Variants in AKAP6 observed in about 807,000 individuals in gnomAD.
The protein encoded by AKAP6 is A-kinase anchor protein 6.
A neutral mutation model predicts 188.5 loss-of-function variants in AKAP6; 58 were observed. The observed-to-expected ratio is 0.31, with a 90% CI of 0.25 to 0.38. AKAP6 has a LOEUF of 0.38. AKAP6 is among the 10% of genes least tolerant of loss of function. The pLI is 1.00. For missense variants in AKAP6, 2,710 were observed against 2,740.0 expected (o/e 0.99, Z 0.24); for synonymous variants, 989 against 998.6 (o/e 0.99, Z 0.18).
In AKAP6 at chr14:32,759,803, C is replaced by T. The variant is rs374769961; in HGVS notation, c.3373-13875C>T. ...TTGCAATAATTCACTGTCATGAAGA[C>T]AGCACCAAATCGTGAGGGATCTTCC... is the stretch of plus-strand genomic sequence containing the variant. On this transcript the variant is annotated intron_variant, in intron 11 of 13. Coordinates refer to ENST00000280979, the MANE Select transcript of AKAP6 (RefSeq NM_004274.5). Among the ~76,000 whole-genome samples the T allele has an allele frequency of 2.0e-5, 3 of 152,252 alleles. No homozygotes were observed. The East Asian group carries it at 5.8e-4, about 29-fold the overall frequency.
rs149706856 is a variant in AKAP6 at position 32,522,782 on chromosome 14, C to T, written c.325-12772C>T. On this transcript the variant is annotated intron_variant, in intron 2 of 13. Coordinates refer to ENST00000280979, the MANE Select transcript of AKAP6 (RefSeq NM_004274.5). ...TCAACCGTTGTGGAAGACAGTGTGGCGATTCCTCGGGGATCTAGAACTAGA... is the reference window on the plus strand; with the variant it reads ...TCAACCGTTGTGGAAGACAGTGTGGTGATTCCTCGGGGATCTAGAACTAGA... 4.7e-3 allele frequency among the ~76,000 whole-genome samples: 722 copies of T among 152,234 alleles called. 2 individuals carry two copies. Among genetic ancestry groups the T allele is most frequent in the East Asian group, 9.1e-3 (47 of 5,180 alleles).
Position 32,830,206 on chromosome 14 carries a change from A to AT in AKAP6, c.*401_*402insT, listed in dbSNP as rs1566745083. ...CCATTAAATTCTCCTGTCTAGAATGACCCCCCCACCAGTACTTGACCAATT... is the reference window on the plus strand; with the variant it reads ...CCATTAAATTCTCCTGTCTAGAATGATCCCCCCCACCAGTACTTGACCAATT... On this transcript the variant is annotated 3_prime_UTR_variant, in exon 14 of 14. Transcript: ENST00000280979. 6 of 438,946 alleles carry AT rather than the reference A, an allele frequency of 1.4e-5. No homozygotes were observed. Among genetic ancestry groups the AT allele is most frequent in the Non-Finnish European group, 2.4e-5 (6 of 248,262 alleles). 27.2% of individuals were successfully genotyped at this position (438,946 alleles called of 1,614,324 possible).
intron 7 of AKAP6, among the ~76,000 whole-genome samples, chr14:32,617,824 C>T (rs910950034): frequency 3.3e-5 from 5 of 152,156 alleles, no homozygotes; most frequent in Admixed American, 1.3e-4. Context: ...GACAGGGTTT[C>T]GCCATGTTGG....
Position 32,822,131 on chromosome 14 carries a change from G to T in AKAP6, c.4318G>T (p.Val1440Phe). The T allele has an allele frequency of 1.9e-6, 3 of 1,613,898 alleles. No homozygotes were observed. The highest frequency in any genetic ancestry group is 2.5e-6 in the Non-Finnish European group (3 of 1,179,936). The stretch of plus-strand genomic sequence containing the variant: ...ACCAGTGGGTTGTGTAAATGGAAAA[G>T]TTGGAGATTTAAACAGTATTACCAA... Reference protein sequence around the residue: ...ISPVGCVNGKVGDLNSITKHT... With the variant: ...ISPVGCVNGKFGDLNSITKHT... Residue 1440 changes from valine to phenylalanine, a missense_variant, in exon 13 of 14, where the codon GTT (valine) becomes TTT (phenylalanine). Coordinates refer to ENST00000280979, the MANE Select transcript of AKAP6 (RefSeq NM_004274.5).
intron 2 of AKAP6, among the ~76,000 whole-genome samples, chr14:32,499,879 A>G (rs529668070): frequency 1.3e-5 from 2 of 152,178 alleles, no homozygotes; most frequent in South Asian, 2.1e-4. Flanking sequence ...ATACTCATTC[A>G]TACCAAAGAC....
At chr14:32,717,439 A>G (rs1594877185) in intron 9 of AKAP6, among the ~76,000 whole-genome samples, 2 of 152,150 alleles carry the variant, frequency 1.3e-5, no homozygotes, top group African/African-American at 4.8e-5. Flanking sequence ...TGTAGTTTTT[A>G]GGATTTATTC....
In AKAP6 at chr14:32,822,771, G is replaced by A; in HGVS notation, c.4958G>A (p.Ser1653Asn). 1 of 1,613,920 alleles carries A rather than the reference G, an allele frequency of 6.2e-7. No homozygotes were observed. Among genetic ancestry groups the A allele is most frequent in the Non-Finnish European group, 8.5e-7 (1 of 1,179,930 alleles). ...CCCTCAGAGCAAAAGATAAAACGAA[G>A]TGTTTCTGATATCACTCTTCAAAGC... ...QSPSEQKIKR[S>N]VSDITLQSSS... Residue 1653 changes from serine to asparagine, a missense_variant, in exon 13 of 14, where the codon AGT (serine) becomes AAT (asparagine). Transcript: ENST00000280979.
At chr14:32,455,781 T>A (rs931680673) in intron 2 of AKAP6, among the ~76,000 whole-genome samples, 2 of 152,218 alleles carry the variant, frequency 1.3e-5, no homozygotes, top group African/African-American at 4.8e-5. Flanking sequence ...GATCTGTTTT[T>A]ATCAGTTCTG....
intron 13 of AKAP6, among the ~76,000 whole-genome samples, chr14:32,825,749 G>A (rs1222692694): frequency 6.6e-6 from 1 of 152,088 alleles, no homozygotes; most frequent in African/African-American, 2.4e-5. Flanking sequence ...ACCCAAGTAT[G>A]AGATGCCTAA....
At chr14:32,442,640 TA>T (rs5807659) in intron 2 of AKAP6, 40,833 of 147,284 alleles carry the variant, frequency 0.28, 10,960 homozygotes, top group African/African-American at 0.7. Context: ...TCCCGTCTCT[TA>T]AAAAAAAAAA....
At chr14:32,796,779 TA>T (rs1238213006) in intron 12 of AKAP6, among the ~76,000 whole-genome samples, 1 of 152,144 alleles carries the variant, frequency 6.6e-6, no homozygotes, top group African/African-American at 2.4e-5. Context: ...CAATTGCAAC[TA>T]AAGCAAAAAT....
At chr14:32,663,712 AGG>A (rs941665853) in intron 7 of AKAP6, among the ~76,000 whole-genome samples, 2 of 152,140 alleles carry the variant, frequency 1.3e-5, no homozygotes, top group African/African-American at 4.8e-5. Context: ...AAGAGCAGCT[AGG>A]GAGGAGGCTG....
intron 1 of AKAP6, among the ~76,000 whole-genome samples, chr14:32,372,554 T>C (rs1888041134): frequency 9.2e-6 from 1 of 108,582 alleles, no homozygotes; most frequent in Non-Finnish European, 1.8e-5. Context: ...ATATAATTCT[T>C]TAAGATCACT....
intron 9 of AKAP6, among the ~76,000 whole-genome samples, chr14:32,721,316 C>T (rs866485293): frequency 6.3e-4 from 96 of 152,204 alleles, no homozygotes; most frequent in African/African-American, 2.2e-3. Flanking sequence ...CTGCTGGTAG[C>T]AAGGATTAAA....
chr14:32,523,667 C>T (rs1452414426), intron 2 of AKAP6, among the ~76,000 whole-genome samples: 1 of 151,772 alleles, frequency 6.6e-6, no homozygotes, highest in Non-Finnish European at 1.5e-5. Flanking sequence ...TGGGGTCTCA[C>T]TTTGTCGCCC....
chr14:32,580,623 T>A (rs1034569400), intron 5 of AKAP6, among the ~76,000 whole-genome samples: 2 of 152,240 alleles, frequency 1.3e-5, no homozygotes, highest in African/African-American at 4.8e-5. Context: ...TACCTATGTA[T>A]ACATGTGCCA....
chr14:32,520,279 T>G (rs1228027739), intron 2 of AKAP6, among the ~76,000 whole-genome samples: 1 of 151,952 alleles, frequency 6.6e-6, no homozygotes, highest in East Asian at 1.9e-4. Flanking sequence ...ACATCACAAT[T>G]AAAAGAACTA....
At position 32,630,608 on chromosome 14, in the gene AKAP6, C is replaced by T. The variant is rs116332766; in HGVS notation, c.2730+29816C>T. Among the ~76,000 whole-genome samples, 495 of 152,130 alleles carry T rather than the reference C, an allele frequency of 3.3e-3. 2 individuals are homozygous for T. Among genetic ancestry groups the T allele is most frequent in the African/African-American group, 0.011 (449 of 41,536 alleles). ...ACTTAGAAGCAAGCAATGATCCCAA[C>T]AGAAGTGAAATTATAACCTGTTATG... On this transcript the variant is annotated intron_variant, in intron 7 of 13. Coordinates refer to ENST00000280979, the MANE Select transcript of AKAP6 (RefSeq NM_004274.5).
At chr14:32,334,743 G>A (rs1886636719) in intron 1 of AKAP6, among the ~76,000 whole-genome samples, 1 of 152,148 alleles carries the variant, frequency 6.6e-6, no homozygotes. Flanking sequence ...TTCTCCACGA[G>A]CACATACCGG....
Sources: allele counts gnomAD v4.1 joint callset (sites outside exome capture counted in the v4.1 genomes callset), GRCh38; gene constraint gnomAD v4.1.1; transcripts MANE v1.5; gene names NCBI Gene and HGNC (gene_info 2026-07-23, HGNC 2026-07-21).